Variants in NPIPB2 observed in about 807,000 individuals in gnomAD.
NPIPB2 encodes the protein nuclear pore complex-interacting protein family member B2.
NPIPB2 carries 27 observed loss-of-function variants against 30.8 expected under a neutral mutation model. That is an observed-to-expected ratio of 0.88 (90% CI 0.65 to 1.21). NPIPB2 has a LOEUF of 1.21. Ranked by LOEUF, NPIPB2 falls within the 50% of genes most tolerant of loss-of-function variation. NPIPB2 has a pLI of 0.00. For synonymous variants in NPIPB2, 147 were observed against 162.0 expected (o/e 0.91, Z 0.70); for missense variants, 440 against 446.2 (o/e 0.99, Z 0.13).
intron 1 of NPIPB2, among the ~76,000 whole-genome samples, chr16:11,959,858 C>T (rs932603205): frequency 2.0e-5 from 3 of 152,166 alleles, no homozygotes; most frequent in Non-Finnish European, 4.4e-5. Context: ...TCACTGTAGC[C>T]TCAACCTCCT....
At chr16:11,962,717 G>T (rs1021145179) in intron 1 of NPIPB2, among the ~76,000 whole-genome samples, 9 of 151,524 alleles carry the variant, frequency 5.9e-5, no homozygotes, top group Non-Finnish European at 1.0e-4. Context: ...ACTTTTCATT[G>T]AAAAATCTTT....
At chr16:11,969,259 TTTTA>T (rs2055219516) in intron 1 of NPIPB2, among the ~76,000 whole-genome samples, 1 of 152,046 alleles carries the variant, frequency 6.6e-6, no homozygotes, top group South Asian at 2.1e-4. Flanking sequence ...GATTTTTGAA[TTTTA>T]TTTATTTATT....
chr16:11,960,542 G>T (rs1334680943), intron 1 of NPIPB2, among the ~76,000 whole-genome samples: 1 of 151,930 alleles, frequency 6.6e-6, no homozygotes, highest in Non-Finnish European at 1.5e-5. Context: ...ATTTTTGGTG[G>T]AGACGGGGTT....
intron 1 of NPIPB2, among the ~76,000 whole-genome samples, chr16:11,957,431 G>A (rs1420989441): frequency 1.3e-5 from 2 of 151,906 alleles, no homozygotes; most frequent in Non-Finnish European, 2.9e-5. Flanking sequence ...CCAAAGTGCT[G>A]GGACCTTGTG....
rs1425533099 is a variant in NPIPB2, at chr16:11,951,619, TACACATACACACAC to T, written c.-583-9519_-583-9506del. On this transcript the variant is annotated intron_variant, in intron 1 of 5. Coordinates refer to the NPIPB2 transcript ENST00000538896. ...CACTGATACAGATGGACACTGCACA[TACACATACACACAC>T]ACACACACACACACACACACACACA... is the stretch of plus-strand genomic sequence containing the variant. 4.0e-4 allele frequency among the ~76,000 whole-genome samples: 46 copies of T among 115,910 alleles called. 1 individual carries two copies. Among genetic ancestry groups the T allele is most frequent in the African/African-American group, 1.5e-3 (46 of 31,088 alleles). 76.0% of individuals were successfully genotyped at this position (115,910 alleles called of 152,430 possible).
chr16:11,941,808 G>A (rs3971886), intron 1 of NPIPB2, 175 bp downstream of exon 1: 2 of 1,279,768 alleles, frequency 1.6e-6, no homozygotes, highest in South Asian at 1.3e-5. Flanking sequence ...CTCCTCCCAA[G>A]GACAGGTCCT....
intron 1 of NPIPB2, among the ~76,000 whole-genome samples, chr16:11,958,390 T>C (rs538767166): frequency 1.0e-4 from 15 of 149,842 alleles, no homozygotes; most frequent in Non-Finnish European, 2.1e-4. Context: ...ATCACGCCAC[T>C]ACAGTCCAGC....
chr16:11,964,789 C>T (rs1368556311), intron 1 of NPIPB2, among the ~76,000 whole-genome samples: 1 of 152,158 alleles, frequency 6.6e-6, no homozygotes, highest in Non-Finnish European at 1.5e-5. Context: ...TTTTGAACTC[C>T]TGGGCTCAAG....
At chr16:11,938,034 G>T (rs965094678) in intron 1 of NPIPB2, among the ~76,000 whole-genome samples, 11 of 152,190 alleles carry the variant, frequency 7.2e-5, no homozygotes, top group Non-Finnish European at 1.3e-4. Context: ...TTGTTTTTGA[G>T]ACAGAGTTCC....
At chr16:11,973,162 C>T (rs1447263116) in intron 1 of NPIPB2, among the ~76,000 whole-genome samples, 3 of 73,030 alleles carry the variant, frequency 4.1e-5, no homozygotes, top group East Asian at 4.5e-4. Flanking sequence ...GTGAAACTGT[C>T]AAAAAAAAAA....
chr16:11,927,365 C>A, downstream of NPIPB2: 1 of 877,874 alleles, frequency 1.1e-6, no homozygotes, highest in Non-Finnish European at 1.8e-6. Flanking sequence ...CAGTTTTATT[C>A]TTATTGCTCA....
At chr16:11,969,578 A>C (rs547356400) in intron 1 of NPIPB2, among the ~76,000 whole-genome samples, 3 of 152,326 alleles carry the variant, frequency 2.0e-5, no homozygotes, top group African/African-American at 7.2e-5. Flanking sequence ...GTTAAAGGAA[A>C]GCTAACTTAT....
upstream of NPIPB2, chr16:11,942,156 T>C: frequency 1.3e-6 from 2 of 1,519,248 alleles, no homozygotes; most frequent in South Asian, 1.2e-5. Flanking sequence ...ATTTTAAGCA[T>C]GCATGGTACA....
At chr16:11,934,193 G>T (rs1218540238) in intron 2 of NPIPB2, among the ~76,000 whole-genome samples, 3 of 148,942 alleles carry the variant, frequency 2.0e-5, no homozygotes, top group Non-Finnish European at 4.4e-5. Flanking sequence ...TCACACCACT[G>T]CACTCCAGCC....
chr16:11,959,784 T>A (rs570011381), intron 1 of NPIPB2, among the ~76,000 whole-genome samples: 3 of 152,290 alleles, frequency 2.0e-5, no homozygotes, highest in African/African-American at 7.2e-5. Flanking sequence ...TTTTAAATTT[T>A]ATTTTATTTG....
chr16:11,948,538 G>C (rs964202919), intron 1 of NPIPB2, among the ~76,000 whole-genome samples: 1 of 151,936 alleles, frequency 6.6e-6, no homozygotes, highest in African/African-American at 2.4e-5. Context: ...AGCCCGAGGC[G>C]GATGGATCAC....
At chr16:11,936,304 A>G (rs1034770464) in intron 2 of NPIPB2, among the ~76,000 whole-genome samples, 9 of 151,958 alleles carry the variant, frequency 5.9e-5, no homozygotes, top group Non-Finnish European at 8.8e-5. Flanking sequence ...ACTCGTCTTG[A>G]GGGTGAGAAA....
chr16:11,958,381 T>A (rs2055130634), intron 1 of NPIPB2, among the ~76,000 whole-genome samples: 1 of 148,974 alleles, frequency 6.7e-6, no homozygotes, highest in African/African-American at 2.5e-5. Flanking sequence ...TGAGCCCAGA[T>A]CACGCCACTA....
At chr16:11,946,454 C>A (rs890207195), upstream of NPIPB2, among the ~76,000 whole-genome samples, 13 of 150,650 alleles carry the variant, frequency 8.6e-5, no homozygotes, top group African/African-American at 2.9e-4. Context: ...TTAGTCCTAG[C>A]CACTAAGGAG....
Sources: allele counts gnomAD v4.1 joint callset (sites outside exome capture counted in the v4.1 genomes callset), GRCh38; gene constraint gnomAD v4.1.1; transcripts MANE v1.5; gene names NCBI Gene and HGNC (gene_info 2026-07-23, HGNC 2026-07-21).